GPC5: variants seen among roughly 807,000 people sequenced by gnomAD.
The protein encoded by GPC5 is glypican-5.
A neutral mutation model predicts 53.9 loss-of-function variants in GPC5; 47 were observed. The ratio of observed to expected loss-of-function variants is 0.87; its 90% CI spans 0.69 to 1.11. The LOEUF (loss-of-function observed/expected upper bound fraction) is 1.11. GPC5 is among the 50% of genes most tolerant of loss of function. The pLI is 0.00. For missense variants in GPC5, 748 were observed against 713.1 expected (o/e 1.05, Z -0.56); for synonymous variants, 286 against 263.3 (o/e 1.09, Z -0.84).
chr13:92,147,144 T>C (rs1356697127), intron 7 of GPC5, among the ~76,000 whole-genome samples: 3 of 99,212 alleles, frequency 3.0e-5, no homozygotes, highest in Non-Finnish European at 4.1e-5. Flanking sequence ...AATAGCAAAT[T>C]ATAATTTATG....
At chr13:92,267,577 T>C (rs1335145864) in intron 7 of GPC5, among the ~76,000 whole-genome samples, 3 of 152,148 alleles carry the variant, frequency 2.0e-5, no homozygotes, top group African/African-American at 2.4e-5. Context: ...GACTTGATCC[T>C]GAGACTTCCT....
chr13:91,910,832 A>G (rs2039603144), intron 6 of GPC5, among the ~76,000 whole-genome samples: 2 of 152,202 alleles, frequency 1.3e-5, no homozygotes, highest in Non-Finnish European at 2.9e-5. Flanking sequence ...AAGCAGACAC[A>G]ACCCTGCTCT....
chr13:91,693,804 G>A lies in GPC5; in HGVS notation c.943G>A (p.Val315Met), dbSNP rs557632182. 6.9e-5 allele frequency: 111 copies of A among 1,613,670 alleles called. No homozygotes were observed. The South Asian group carries it at 1.0e-3, about 15-fold the overall frequency. The change falls in exon 3 of 8, where the codon GTG becomes ATG. Residue 315 changes from valine (V) to methionine (M), a missense_variant. Transcript: ENST00000377067. ...GCATGGAACATACGACATTGGACAC[G>A]TGCTGCTGAACTTTCACTTGCTTGT... ...AMHGTYDIGH[V>M]LLNFHLLVND... is the part of the protein sequence containing the mutation.
intron 2 of GPC5, among the ~76,000 whole-genome samples, chr13:91,623,574 T>C (rs1020004977): frequency 2.0e-5 from 3 of 152,120 alleles, no homozygotes; most frequent in Admixed American, 1.3e-4. Context: ...GGCTAGTAGA[T>C]GTTGGGTGAA....
chr13:91,622,670 AGC>A (rs2033893699), intron 2 of GPC5, among the ~76,000 whole-genome samples: 1 of 152,160 alleles, frequency 6.6e-6, no homozygotes, highest in Non-Finnish European at 1.5e-5. Context: ...ATCTTCCAGC[AGC>A]TGTGTCTGCC....
chr13:92,390,246 A>C (rs1874932913), intron 7 of GPC5, among the ~76,000 whole-genome samples: 1 of 152,194 alleles, frequency 6.6e-6, no homozygotes, highest in African/African-American at 2.4e-5. Context: ...TGCTAGTATT[A>C]GTCCCAGAAG....
chr13:92,385,467 TATAC>T (rs1874603859), intron 7 of GPC5, among the ~76,000 whole-genome samples: 1 of 138,128 alleles, frequency 7.2e-6, no homozygotes, highest in Non-Finnish European at 1.5e-5. Context: ...TATACACATA[TATAC>T]ATATATACAT....
chr13:91,444,384 T>G (rs950922494), intron 1 of GPC5, among the ~76,000 whole-genome samples: 14 of 152,184 alleles, frequency 9.2e-5, no homozygotes, highest in African/African-American at 3.1e-4. Flanking sequence ...TATTTTTTCT[T>G]GTCTGTGGGA....
At chr13:92,322,933 C>T (rs955134103) in intron 7 of GPC5, among the ~76,000 whole-genome samples, 3 of 151,890 alleles carry the variant, frequency 2.0e-5, no homozygotes, top group African/African-American at 7.3e-5. Context: ...TGGATCAGCC[C>T]TCTACCTGTC....
intron 7 of GPC5, among the ~76,000 whole-genome samples, chr13:92,504,861 C>G (rs1301836859): frequency 6.6e-6 from 1 of 151,826 alleles, no homozygotes; most frequent in Non-Finnish European, 1.5e-5. Context: ...ACATATAGAA[C>G]ACAAAACTGT....
chr13:91,543,122 C>T (rs919964992), intron 2 of GPC5, among the ~76,000 whole-genome samples: 1 of 152,028 alleles, frequency 6.6e-6, no homozygotes, highest in Non-Finnish European at 1.5e-5. Flanking sequence ...TCCCAAAGTG[C>T]TGGGATTACA....
At chr13:91,681,595 T>G (rs922855515) in intron 2 of GPC5, among the ~76,000 whole-genome samples, 3 of 152,238 alleles carry the variant, frequency 2.0e-5, no homozygotes, top group African/African-American at 7.2e-5. Flanking sequence ...CTATATTATC[T>G]TTTGACATGG....
intron 7 of GPC5, chr13:92,447,527 A>G (rs1478779382): frequency 6.6e-6 from 1 of 152,110 alleles, no homozygotes; most frequent in African/African-American, 2.4e-5. Flanking sequence ...TTAAAAAAAT[A>G]GCTTCATCAT....
chr13:91,693,636 C>T lies in GPC5; in HGVS notation c.775C>T (p.Pro259Ser), dbSNP rs867757693. 8 of 1,614,128 alleles carry T rather than the reference C, an allele frequency of 5.0e-6. No homozygotes were observed. The highest frequency in any genetic ancestry group is 3.3e-4 in the Middle Eastern group (2 of 6,062). ...SRALLKMQYC[P>S]HCQGLALTKP... ...AGCCCTCCTGAAGATGCAATACTGC[C>T]CGCACTGCCAAGGCCTGGCGCTCAC... The change falls in exon 3 of 8, where the codon CCG becomes TCG. Residue 259 changes from proline to serine, a missense_variant. By Grantham distance (74) the Pro-to-Ser change is moderately conservative (BLOSUM62 -1). Transcript: ENST00000377067.
rs75717291 is a variant in GPC5, at chr13:91,558,829, T to G, written c.325+109907T>G. Among the ~76,000 whole-genome samples, 174 of 151,358 alleles carry G rather than the reference T, an allele frequency of 1.1e-3. 1 individual carries two copies. The highest frequency in any genetic ancestry group is 4.1e-3 in the African/African-American group (170 of 41,504). ...TGCGCCCTCTCCAGTGAGGTCTGGA[T>G]CTCAGTCATGAGGGGGTTGGACTTC... On this transcript the variant is annotated intron_variant, in intron 2 of 7. Transcript: ENST00000377067.
At chr13:91,971,027 T>C (rs1202125633) in intron 6 of GPC5, among the ~76,000 whole-genome samples, 1 of 152,194 alleles carries the variant, frequency 6.6e-6, no homozygotes, top group Non-Finnish European at 1.5e-5. Context: ...ATTGGAATAG[T>C]TTCAGAAGGA....
At chr13:91,549,023 C>A (rs1275604752) in intron 2 of GPC5, among the ~76,000 whole-genome samples, 2 of 152,136 alleles carry the variant, frequency 1.3e-5, no homozygotes, top group African/African-American at 4.8e-5. Context: ...ATAATCCCAG[C>A]ACTTTGGGAG....
At position 92,161,989 on chromosome 13, in the gene GPC5, A is replaced by G. The variant is rs566279266; in HGVS notation, c.1561+17000A>G. Among the ~76,000 whole-genome samples, 119 of 121,554 alleles carry G rather than the reference A, an allele frequency of 9.8e-4. 2 individuals carry two copies. Among genetic ancestry groups the G allele is most frequent in the Admixed American group, 7.4e-3 (83 of 11,262 alleles). 79.7% of individuals were successfully genotyped at this position (121,554 alleles called of 152,430 possible). Reference sequence around the variant, plus strand: ...TATATATATATATATATATATATATATATATATGAAACTAAATGTAGTTCT... The same window carrying G: ...TATATATATATATATATATATATATGTATATATGAAACTAAATGTAGTTCT... On this transcript the variant is annotated intron_variant, in intron 7 of 7. Coordinates refer to ENST00000377067, the MANE Select transcript of GPC5 (RefSeq NM_004466.6).
At chr13:92,613,308 T>G (rs1318663462) in intron 7 of GPC5, among the ~76,000 whole-genome samples, 1 of 109,760 alleles carries the variant, frequency 9.1e-6, no homozygotes, top group Non-Finnish European at 1.7e-5. Flanking sequence ...AAATATATAA[T>G]GTATATAATA....
Sources: allele counts gnomAD v4.1 joint callset (sites outside exome capture counted in the v4.1 genomes callset), GRCh38; gene constraint gnomAD v4.1.1; transcripts MANE v1.5; gene names NCBI Gene and HGNC (gene_info 2026-07-23, HGNC 2026-07-21).